The following EFHC2 variants were observed in gnomAD, a reference collection of about 807,000 sequenced individuals.
The protein encoded by EFHC2 is EF-hand domain containing 2, also known as EF-hand domain-containing family member C2.
Under a neutral mutation model 52.7 loss-of-function variants are expected in EFHC2, and 18 were observed. The ratio of observed to expected loss-of-function variants is 0.34; its 90% confidence interval spans 0.24 to 0.51. The LOEUF is 0.51. EFHC2 is among the 20% of genes least tolerant of loss of function. The pLI is 0.97. For synonymous variants in EFHC2, 203 were observed against 204.1 expected (o/e 0.99, Z 0.04); for missense variants, 513 against 562.5 (o/e 0.91, Z 0.89).
chrX:44,272,294 G>T (rs1056963402), intron 3 of EFHC2, among the ~76,000 whole-genome samples: 18 of 112,177 alleles, frequency 1.6e-4, no homozygotes, highest in African/African-American at 5.8e-4. Context: ...AGAAAGAAGA[G>T]AATGCCAATC....
At chrX:44,251,315 C>T (rs1243141113) in intron 4 of EFHC2, among the ~76,000 whole-genome samples, 1 of 89,072 alleles carries the variant, frequency 1.1e-5, no homozygotes, top group African/African-American at 4.2e-5. Flanking sequence ...AACATTAATA[C>T]ACTAAACTAT....
At chrX:44,236,699 G>A (rs1251375255) in intron 8 of EFHC2, among the ~76,000 whole-genome samples, 1 of 111,813 alleles carries the variant, frequency 8.9e-6, no homozygotes, top group Non-Finnish European at 1.9e-5. Context: ...AGAACAGCCT[G>A]AGCAAAGCAG....
At chrX:44,227,936 T>C (rs910884377) in intron 11 of EFHC2, among the ~76,000 whole-genome samples, 3 of 111,128 alleles carry the variant, frequency 2.7e-5, no homozygotes, top group African/African-American at 9.8e-5. Flanking sequence ...CTTGATGTGT[T>C]TGAGAAACCG....
At chrX:44,318,392 G>C (rs1005702593) in intron 1 of EFHC2, among the ~76,000 whole-genome samples, 3 of 112,322 alleles carry the variant, frequency 2.7e-5, no homozygotes, top group African/African-American at 9.7e-5. Flanking sequence ...AGAATGGGGA[G>C]TGACTGCTTA....
chrX:44,330,400 AT>A (rs1291351958), intron 1 of EFHC2, among the ~76,000 whole-genome samples: 2 of 112,405 alleles, frequency 1.8e-5, no homozygotes, highest in Non-Finnish European at 3.7e-5. Flanking sequence ...TCTACAAAAG[AT>A]ACTGTTAACA....
At chrX:44,265,551 G>A (rs1000681135) in intron 3 of EFHC2, among the ~76,000 whole-genome samples, 2 of 112,110 alleles carry the variant, frequency 1.8e-5, no homozygotes, top group Non-Finnish European at 3.8e-5. Context: ...TTACAGGCGT[G>A]AGCCACTGCA....
chrX:44,217,205 C>G (rs1036610506), intron 11 of EFHC2, among the ~76,000 whole-genome samples: 1 of 110,689 alleles, frequency 9.0e-6, no homozygotes, highest in Non-Finnish European at 1.9e-5. Flanking sequence ...GCTCATATCC[C>G]GAGAGACAGG....
intron 2 of EFHC2, among the ~76,000 whole-genome samples, chrX:44,292,004 AAG>A (rs1489053575): frequency 1.8e-5 from 2 of 111,810 alleles, no homozygotes; most frequent in Non-Finnish European, 3.8e-5. Flanking sequence ...GACTAGAAGA[AAG>A]GGGGTCACCC....
chrX:44,341,120 G>A (rs1341042440), intron 1 of EFHC2, among the ~76,000 whole-genome samples: 7 of 111,850 alleles, frequency 6.3e-5, no homozygotes, highest in Non-Finnish European at 3.8e-5. Flanking sequence ...CAAATCTAAC[G>A]AACATACTGT....
intron 7 of EFHC2, among the ~76,000 whole-genome samples, chrX:44,247,319 GACA>G (rs1191544198): frequency 8.9e-6 from 1 of 112,010 alleles, no homozygotes; most frequent in African/African-American, 3.2e-5. Context: ...ACACAATGCG[GACA>G]ACAAGACACA....
At chrX:44,319,311 T>A (rs1403449461) in intron 1 of EFHC2, among the ~76,000 whole-genome samples, 2 of 111,314 alleles carry the variant, frequency 1.8e-5, no homozygotes, top group Non-Finnish European at 3.8e-5. Flanking sequence ...CACAAAAGAC[T>A]TTTAAAGAGG....
intron 14 of EFHC2, among the ~76,000 whole-genome samples, chrX:44,159,037 G>T (rs756091929): frequency 2.7e-5 from 3 of 112,532 alleles, no homozygotes; most frequent in South Asian, 7.3e-4. Context: ...CAGGACAAAG[G>T]CCAGGCCATT....
intron 2 of EFHC2, among the ~76,000 whole-genome samples, chrX:44,283,307 C>G (rs2037722755): frequency 9.0e-6 from 1 of 111,201 alleles, no homozygotes; most frequent in Non-Finnish European, 1.9e-5. Context: ...CTCAGCCTCC[C>G]GAGTAGCTGG....
intron 7 of EFHC2, 147 bp from the exon 8 acceptor site, chrX:44,242,436 T>C: frequency 1.7e-6 from 1 of 573,941 alleles, no homozygotes. Flanking sequence ...CAAAATCCTG[T>C]GAGAGTACTT....
chrX:44,338,747 T>G (rs911951092), intron 1 of EFHC2, among the ~76,000 whole-genome samples: 11 of 108,206 alleles, frequency 1.0e-4, no homozygotes, highest in African/African-American at 3.7e-4. Context: ...AAAAAGCTGG[T>G]CATGATTCAT....
intron 3 of EFHC2, among the ~76,000 whole-genome samples, chrX:44,264,787 C>A (rs908682096): frequency 9.0e-6 from 1 of 111,695 alleles, no homozygotes; most frequent in Admixed American, 9.5e-5. Flanking sequence ...TAGTCTTCCA[C>A]GATAAATGGC....
chrX:44,340,761 A>G (rs1411416575), intron 1 of EFHC2, among the ~76,000 whole-genome samples: 2 of 112,298 alleles, frequency 1.8e-5, no homozygotes, highest in African/African-American at 6.5e-5. Flanking sequence ...TATAACTACA[A>G]AGAGTTGCTA....
intron 2 of EFHC2, among the ~76,000 whole-genome samples, chrX:44,296,454 A>C (rs751149750): frequency 8.9e-6 from 1 of 112,099 alleles, no homozygotes; most frequent in Non-Finnish European, 1.9e-5. Flanking sequence ...GAAATAATAA[A>C]ATGCATGCAA....
intron 3 of EFHC2, among the ~76,000 whole-genome samples, chrX:44,271,423 T>C (rs1035018040): frequency 9.0e-6 from 1 of 110,531 alleles, no homozygotes; most frequent in African/African-American, 3.3e-5. Flanking sequence ...GTAGGGAAAG[T>C]AAAAGGAGTA....
Sources: gnomAD v4.1 joint callset for allele counts (sites outside exome capture counted in the v4.1 genomes callset) on GRCh38, gnomAD v4.1.1 for gene constraint, MANE v1.5 for transcripts, NCBI Gene and HGNC (gene_info 2026-07-23, HGNC 2026-07-21) for gene names.